The following GAK variants were observed in gnomAD, a reference collection of about 807,000 sequenced individuals.
The protein encoded by GAK is cyclin-G-associated kinase.
A neutral mutation model predicts 143.9 loss-of-function variants in GAK; 79 were observed. The observed-to-expected ratio is 0.55, with a 90% CI of 0.46 to 0.66. The LOEUF is 0.66. Among genes scored for constraint, GAK ranks in the 30% least tolerant of loss-of-function variants. The probability of loss-of-function intolerance (pLI) is 0.00; values close to 1 mark genes in which losing one functional copy is unlikely to be tolerated. For missense variants in GAK, 1,693 were observed against 1,779.7 expected (o/e 0.95, Z 0.88); for synonymous variants, 881 against 765.5 (o/e 1.15, Z -2.49).
chr4:901,382 G>A (rs544360319), intron 5 of GAK, among the ~76,000 whole-genome samples: 12 of 148,754 alleles, frequency 8.1e-5, no homozygotes, highest in Admixed American at 2.0e-4. Context: ...CCTCCCACCC[G>A]GGGCACACGT....
chr4:866,629 C>T (rs1751232889), intron 21 of GAK, 95 bp from the exon 22 acceptor site: 3 of 1,367,762 alleles, frequency 2.2e-6, no homozygotes, highest in South Asian at 1.4e-5. Context: ...GAGGCCACTC[C>T]AGCTGGGCAG....
chr4:919,077 G>A (rs1434306344), intron 1 of GAK, among the ~76,000 whole-genome samples: 1 of 147,802 alleles, frequency 6.8e-6, no homozygotes, highest in Non-Finnish European at 1.5e-5. Context: ...CATGACCTTA[G>A]AAAGACAGAA....
chr4:909,933 AC>A (rs1205666352), intron 4 of GAK, among the ~76,000 whole-genome samples: 1 of 151,484 alleles, frequency 6.6e-6, no homozygotes, highest in Non-Finnish European at 1.5e-5. Context: ...GGCTCTGACC[AC>A]CCCCAACCCC....
chr4:857,755 C>T (rs1410277928), intron 24 of GAK, among the ~76,000 whole-genome samples: 1 of 152,264 alleles, frequency 6.6e-6, no homozygotes, highest in South Asian at 2.1e-4. Context: ...CTGCACTGCC[C>T]GTGGCTCCTC....
chr4:880,842 A>G (rs908949517), intron 15 of GAK, among the ~76,000 whole-genome samples: 6 of 152,180 alleles, frequency 3.9e-5, no homozygotes, highest in African/African-American at 1.4e-4. Flanking sequence ...TTTGGGGGTC[A>G]TGGAAGCCCA....
intron 18 of GAK, among the ~76,000 whole-genome samples, chr4:871,319 G>T (rs1459164317): frequency 6.6e-6 from 1 of 152,230 alleles, no homozygotes; most frequent in African/African-American, 2.4e-5. Context: ...GCTCTGAGGT[G>T]GGACCCCAGG....
At chr4:899,410 G>C (rs191313316) in intron 5 of GAK, among the ~76,000 whole-genome samples, 7 of 151,882 alleles carry the variant, frequency 4.6e-5, no homozygotes, top group African/African-American at 1.7e-4. Context: ...GCACACACGC[G>C]GTCAGTACGG....
intron 1 of GAK, among the ~76,000 whole-genome samples, chr4:930,955 C>G (rs1355067682): frequency 6.6e-6 from 1 of 152,242 alleles, no homozygotes; most frequent in East Asian, 1.9e-4. Context: ...TACCAGGGAG[C>G]TGGTGAGGGT....
At chr4:851,111 G>C (rs1254579752) in intron 25 of GAK, 27 bp from the exon 26 acceptor site, 2 of 1,604,290 alleles carry the variant, frequency 1.2e-6, no homozygotes, top group Non-Finnish European at 1.7e-6. Context: ...ACTTTTTTTT[G>C]TTTGAGACAG....
chr4:881,173 C>T (rs763738688), intron 15 of GAK, among the ~76,000 whole-genome samples: 2 of 152,210 alleles, frequency 1.3e-5, no homozygotes, highest in East Asian at 1.9e-4. Context: ...AGTCCCCTGA[C>T]GCTTGGGTCC....
chr4:892,906 C>A (rs2152856663), intron 9 of GAK, among the ~76,000 whole-genome samples: 1 of 152,314 alleles, frequency 6.6e-6, no homozygotes, highest in African/African-American at 2.4e-5. Context: ...CCCAGCATGC[C>A]CCCGGGGTCT....
intron 9 of GAK, among the ~76,000 whole-genome samples, chr4:892,290 G>GT (rs1376104141): frequency 2.0e-5 from 3 of 152,208 alleles, no homozygotes; most frequent in Non-Finnish European, 4.4e-5. Context: ...AAATGCAGGA[G>GT]CCAAGAGTCC....
rs1466780340 is a variant in GAK, at chr4:882,030, G to A, written c.1538C>T (p.Ala513Val). The change falls in exon 15 of 28, where the codon GCC (alanine) becomes GTC (valine). Residue 513 changes from alanine (A) to valine (V), a missense_variant. Coordinates refer to ENST00000314167, the MANE Select transcript of GAK (RefSeq NM_005255.4). Reference protein sequence around the residue: ...VCVVHCMDGRAASAVAVCSFL... With the variant: ...VCVVHCMDGRVASAVAVCSFL... ...GGAGCAGACGGCCACAGCAGACGCG[G>A]CTCTCCCGTCCTAGGACAGACAGAC... The A allele has an allele frequency of 1.2e-6, 2 of 1,604,730 alleles. No individual in the cohort carries two copies. Among genetic ancestry groups the A allele is most frequent in the Non-Finnish European group, 1.7e-6 (2 of 1,176,016 alleles).
chr4:851,210 G>A (rs369945699), intron 25 of GAK, 126 bp from the exon 26 acceptor site: 2 of 743,306 alleles, frequency 2.7e-6, no homozygotes, highest in Non-Finnish European at 4.3e-6. Flanking sequence ...CGATCCTCTT[G>A]CCTCAGCCTC....
At chr4:914,787 C>T (rs1168506121) in intron 1 of GAK, among the ~76,000 whole-genome samples, 9 of 132,020 alleles carry the variant, frequency 6.8e-5, no homozygotes, top group East Asian at 2.4e-4. Context: ...ACACACACAG[C>T]CCCAGTGTGC....
At chr4:865,011 T>C in intron 23 of GAK, 111 bp downstream of exon 23, 8 of 1,403,402 alleles carry the variant, frequency 5.7e-6, no homozygotes, top group Non-Finnish European at 7.6e-6. Context: ...GCCCCAGCCC[T>C]TCCTTCCTTC....
intron 24 of GAK, 42 bp from the exon 25 acceptor site, chr4:852,016 T>C (rs1748247269): frequency 2.0e-6 from 3 of 1,512,470 alleles, no homozygotes; most frequent in Admixed American, 1.8e-5. Context: ...TGGTTGTCCA[T>C]GAGGGGCAAC....
chr4:850,757 C>T, intron 26 of GAK, 179 bp downstream of exon 26: 1 of 560,994 alleles, frequency 1.8e-6, no homozygotes, highest in South Asian at 2.8e-5. Context: ...TGAGGGCTGC[C>T]AGGCCCATCG....
intron 15 of GAK, among the ~76,000 whole-genome samples, chr4:881,223 C>T (rs1168865651): frequency 6.6e-6 from 1 of 152,196 alleles, no homozygotes; most frequent in Non-Finnish European, 1.5e-5. Flanking sequence ...ACGGGGCCGG[C>T]CTTTGCTCCT....
Sources: allele counts gnomAD v4.1 joint callset (sites outside exome capture counted in the v4.1 genomes callset), GRCh38; gene constraint gnomAD v4.1.1; transcripts MANE v1.5; gene names NCBI Gene and HGNC (gene_info 2026-07-23, HGNC 2026-07-21).